Variants in INPP1 observed in about 807,000 individuals in gnomAD.
INPP1 encodes inositol polyphosphate-1-phosphatase.
A neutral mutation model predicts 23.0 loss-of-function variants in INPP1; 18 were observed. The observed-to-expected ratio is 0.78, with a 90% CI of 0.54 to 1.16. The LOEUF is 1.16. Ranked by LOEUF, INPP1 falls within the 50% of genes most tolerant of loss-of-function variation. The pLI is 0.00. For missense variants in INPP1, 448 were observed against 482.1 expected (o/e 0.93, Z 0.66); for synonymous variants, 164 against 176.3 (o/e 0.93, Z 0.55).
chr2:190,352,303 G>T lies in INPP1; in HGVS notation c.-65+3272G>T, dbSNP rs1299114584. On this transcript the variant is annotated intron_variant, in intron 2 of 6. Transcript: ENST00000392329. The surrounding 1 kb of genome is among the most constrained non-coding windows in gnomAD (Gnocchi z 4.7). ...GCTAAACTTAATCAGAGCCCATGAG[G>T]TAATGACAGCAACATCACCCGGATC... Among the ~76,000 whole-genome samples, 7 of 152,280 alleles carry T rather than the reference G, an allele frequency of 4.6e-5. No homozygotes were observed. The East Asian group carries it at 1.2e-3, about 25-fold the overall frequency.
rs1427420528 is a variant in INPP1 at position 190,346,795 on chromosome 2, G to A, written c.-208-2093G>A. Among the ~76,000 whole-genome samples, 1 of 151,468 alleles carries A rather than the reference G, an allele frequency of 6.6e-6. No individual in the cohort carries two copies. Among genetic ancestry groups the A allele is most frequent in the African/African-American group, 2.4e-5 (1 of 41,190 alleles). On this transcript the variant is annotated intron_variant, in intron 1 of 6. Transcript: ENST00000392329. The surrounding 1 kb of genome is among the most constrained non-coding windows in gnomAD (Gnocchi z 5.1). ...GCTAATTTTTAAAATTGTAGAGATG[G>A]GGTCCCACTATGTTGCCCAGGTTGG...
In INPP1 at chr2:190,368,263, T is replaced by C. The variant is rs1483349289; in HGVS notation, c.467-840T>C. On this transcript the variant is annotated intron_variant, in intron 5 of 6. Coordinates refer to ENST00000392329, the MANE Select transcript of INPP1 (RefSeq NM_001128928.2). This position sits in a 1 kb window ranked among gnomAD's most constrained non-coding sequence, Gnocchi z 4.3. ...CATCCTTAGCCGTGTGTTGACTCCC[T>C]AGACGTCAGCAGTCAGCTGCTGGCA... Among the ~76,000 whole-genome samples the C allele has an allele frequency of 6.6e-6, 1 of 152,224 alleles. No individual in the cohort carries two copies. Among genetic ancestry groups the C allele is most frequent in the Non-Finnish European group, 1.5e-5 (1 of 68,040 alleles).
rs1689208880 is a variant in INPP1, at chr2:190,346,042, C to T, written c.-209+2081C>T. On this transcript the variant is annotated intron_variant, in intron 1 of 6. Transcript: ENST00000392329. The surrounding 1 kb of genome is among the most constrained non-coding windows in gnomAD (Gnocchi z 5.1). ...TTAAAAAAATAAAAGTTCTGCTTCC[C>T]GTCTCCTGTGATTGATGTTGGGTAC... 6.6e-6 allele frequency among the ~76,000 whole-genome samples: 1 copy of T among 152,016 alleles called. No individual in the cohort carries two copies. Among genetic ancestry groups the T allele is most frequent in the Admixed American group, 6.6e-5 (1 of 15,264 alleles).
chr2:190,353,247 A>G (rs1250410139), intron 2 of INPP1, among the ~76,000 whole-genome samples: 1 of 152,132 alleles, frequency 6.6e-6, no homozygotes, highest in African/African-American at 2.4e-5. Context: ...TGACAGAAAA[A>G]TGGCTCTCCC....
intron 1 of INPP1, 108 bp downstream of exon 1, chr2:190,344,069 C>T (rs760307): frequency 0.2 from 63,988 of 317,724 alleles, 7,084 homozygotes; most frequent in East Asian, 0.32. Context: ...CGTCGCCTCT[C>T]CGCGGGTAGG....
At chr2:190,358,368 C>T (rs551297389) in intron 2 of INPP1, among the ~76,000 whole-genome samples, 42 of 152,096 alleles carry the variant, frequency 2.8e-4, no homozygotes, top group Non-Finnish European at 5.1e-4. Context: ...TGAGCCACTG[C>T]GCCCAGTCCC....
intron 4 of INPP1, among the ~76,000 whole-genome samples, chr2:190,364,693 C>T (rs566493330): frequency 4.0e-5 from 6 of 149,644 alleles, no homozygotes; most frequent in South Asian, 2.1e-4. Context: ...CAAATTCAAG[C>T]GATTCTCCTG....
chr2:190,358,461 G>A (rs945583410), intron 2 of INPP1, among the ~76,000 whole-genome samples: 3 of 152,016 alleles, frequency 2.0e-5, no homozygotes, highest in Non-Finnish European at 2.9e-5. Context: ...CAAGTGATCC[G>A]CCTGCCTCGG....
rs1008892481 is a variant in INPP1, at chr2:190,352,009, T to C, written c.-65+2978T>C. On this transcript the variant is annotated intron_variant, in intron 2 of 6. Transcript: ENST00000392329. The surrounding 1 kb of genome is among the most constrained non-coding windows in gnomAD (Gnocchi z 4.7). Reference sequence around the variant, plus strand: ...TTTAGCTATTCCATTGGATACATAGTGGCACCCTGTTGAGATTTTAAGTTG... The same window carrying C: ...TTTAGCTATTCCATTGGATACATAGCGGCACCCTGTTGAGATTTTAAGTTG... Among the ~76,000 whole-genome samples, 18 of 152,242 alleles carry C rather than the reference T, an allele frequency of 1.2e-4. No individual in the cohort carries two copies. The highest frequency in any genetic ancestry group is 4.1e-4 in the African/African-American group (17 of 41,462).
chr2:190,357,925 A>T (rs1379054993), intron 2 of INPP1, among the ~76,000 whole-genome samples: 1 of 152,228 alleles, frequency 6.6e-6, no homozygotes, highest in Non-Finnish European at 1.5e-5. Flanking sequence ...ATATTTTCTC[A>T]TAGTGGTTGA....
intron 4 of INPP1, among the ~76,000 whole-genome samples, chr2:190,365,874 G>A (rs952704932): frequency 4.3e-4 from 9 of 20,834 alleles, no homozygotes; most frequent in African/African-American, 2.6e-3. Context: ...TGTCTCTCTT[G>A]CTCTGTCTCT....
Position 190,371,463 on chromosome 2 carries a change from T to G in INPP1, c.*61T>G. ...ACTGTGAAACTGTTTCGGTTATCTC[T>G]GTCTTTTGAGGATGGCTTTGTCCTG... is the stretch of plus-strand genomic sequence containing the variant. On this transcript the variant is annotated 3_prime_UTR_variant, in exon 7 of 7. Coordinates refer to ENST00000392329, the MANE Select transcript of INPP1 (RefSeq NM_001128928.2). The surrounding 1 kb of genome is among the most constrained non-coding windows in gnomAD (Gnocchi z 5.3). 2.4e-5 allele frequency: 32 copies of G among 1,336,602 alleles called. No homozygotes were observed. The highest frequency in any genetic ancestry group is 2.8e-5 in the Non-Finnish European group (28 of 995,400). 82.8% of individuals were successfully genotyped at this position (1,336,602 alleles called of 1,614,324 possible). A position where few individuals can be genotyped will look rare whatever the true frequency, so the allele number is the denominator to read the frequency against.
chr2:190,369,330 G>A, intron 6 of INPP1, 53 bp downstream of exon 6: 1 of 999,462 alleles, frequency 1.0e-6, no homozygotes, highest in Admixed American at 2.2e-5. Flanking sequence ...TACGACCTCA[G>A]CTTTGCTTGT....
intron 2 of INPP1, among the ~76,000 whole-genome samples, chr2:190,353,729 G>T (rs962752910): frequency 6.6e-6 from 1 of 152,202 alleles, no homozygotes; most frequent in African/African-American, 2.4e-5. Context: ...GCAGAGTTAT[G>T]TTTTGAACCC....
In INPP1 at chr2:190,354,389, T is replaced by TTCA. The variant is rs3064189; in HGVS notation, c.-65+5359_-65+5361dup. On this transcript the variant is annotated intron_variant, in intron 2 of 6. Coordinates refer to ENST00000392329, the MANE Select transcript of INPP1 (RefSeq NM_001128928.2). The surrounding 1 kb of genome is among the most constrained non-coding windows in gnomAD (Gnocchi z 4.8). Reference sequence around the variant, plus strand: ...GGGGCTAAATTATGTTACTTCAAAATTCACATGTTGAAGCCCCAACCCCCA... The same window carrying TTCA: ...GGGGCTAAATTATGTTACTTCAAAATTCATCACATGTTGAAGCCCCAACCCCCA... 0.25 allele frequency among the ~76,000 whole-genome samples: 37,999 copies of TTCA among 152,054 alleles called. 5,106 individuals are homozygous for TTCA. Among genetic ancestry groups the TTCA allele is most frequent in the East Asian group, 0.49 (2,550 of 5,168 alleles).
At position 190,345,022 on chromosome 2, in the gene INPP1, C is replaced by T. The variant is rs1268240686; in HGVS notation, c.-209+1061C>T. Reference sequence around the variant, plus strand: ...GATTGGTGAATTAGCTAAGTGATCTCATTCTTACCTTTTAAAATAGAGAAC... The same window carrying T: ...GATTGGTGAATTAGCTAAGTGATCTTATTCTTACCTTTTAAAATAGAGAAC... On this transcript the variant is annotated intron_variant, in intron 1 of 6. Coordinates refer to ENST00000392329, the MANE Select transcript of INPP1 (RefSeq NM_001128928.2). The surrounding 1 kb of genome is among the most constrained non-coding windows in gnomAD (Gnocchi z 4.9). 3.3e-5 allele frequency among the ~76,000 whole-genome samples: 5 copies of T among 152,082 alleles called. No homozygotes were observed. The East Asian group carries it at 9.6e-4, about 29-fold the overall frequency.
At chr2:190,362,217 G>A (rs148950573) in intron 3 of INPP1, among the ~76,000 whole-genome samples, 24 of 152,258 alleles carry the variant, frequency 1.6e-4, no homozygotes, top group African/African-American at 5.5e-4. Flanking sequence ...CTCAAGTCGT[G>A]CTTTTAGATA....
At chr2:190,366,312 A>T (rs1247922469) in intron 4 of INPP1, among the ~76,000 whole-genome samples, 2,814 of 52,456 alleles carry the variant, frequency 0.054, no homozygotes, top group Middle Eastern at 0.085. Flanking sequence ...GCTCTGTCTC[A>T]CTCTCTCTGT....
intron 6 of INPP1, among the ~76,000 whole-genome samples, chr2:190,369,914 A>G (rs1689767207): frequency 6.6e-6 from 1 of 152,184 alleles, no homozygotes. Flanking sequence ...GAAATAGGTC[A>G]TATTTTTTCA....
Sources: allele counts gnomAD v4.1 joint callset (sites outside exome capture counted in the v4.1 genomes callset), GRCh38; gene constraint gnomAD v4.1.1; non-coding constraint Gnocchi (gnomAD v3.1); transcripts MANE v1.5; gene names NCBI Gene and HGNC (gene_info 2026-07-23, HGNC 2026-07-21).